The following ERBB4 variants were observed in gnomAD, a reference collection of about 807,000 sequenced individuals.
ERBB4 encodes erb-b2 receptor tyrosine kinase 4, also known as receptor tyrosine-protein kinase erbB-4.
In ERBB4, 42 loss-of-function variants were observed where a neutral mutation model predicts 158.0. That is an observed-to-expected ratio of 0.27 (90% CI 0.21 to 0.34). ERBB4 has a LOEUF of 0.34. Among genes scored for constraint, ERBB4 ranks in the 10% least tolerant of loss-of-function variants. The pLI is 1.00. For synonymous variants in ERBB4, 583 were observed against 558.7 expected, an observed-to-expected ratio of 1.04 and a Z score of -0.61; for missense variants, 1,333 against 1,624.1, an observed-to-expected ratio of 0.82 and a Z score of 3.08.
At chr2:211,799,937 T>A (rs1420701521) in intron 3 of ERBB4, among the ~76,000 whole-genome samples, 5 of 152,214 alleles carry the variant, frequency 3.3e-5, no homozygotes. Flanking sequence ...CATGGGTTTG[T>A]GCATTTGCTC....
At chr2:211,390,844 A>C (rs187333053) in intron 25 of ERBB4, among the ~76,000 whole-genome samples, 1 of 152,280 alleles carries the variant, frequency 6.6e-6, no homozygotes. Context: ...AAATGGAAAA[A>C]ATGCTAAGCA....
intron 1 of ERBB4, among the ~76,000 whole-genome samples, chr2:212,505,632 C>A (rs953026615): frequency 6.7e-6 from 1 of 148,934 alleles, no homozygotes; most frequent in African/African-American, 2.4e-5. Flanking sequence ...GAAACCTTGA[C>A]GGATGATATA....
At chr2:211,806,925 A>C (rs1334851962) in intron 3 of ERBB4, among the ~76,000 whole-genome samples, 13 of 152,108 alleles carry the variant, frequency 8.5e-5, no homozygotes, top group African/African-American at 3.1e-4. Flanking sequence ...ATATCTTTTA[A>C]AGATACTTTT....
At chr2:211,878,971 C>A (rs939306334) in intron 3 of ERBB4, among the ~76,000 whole-genome samples, 2 of 152,202 alleles carry the variant, frequency 1.3e-5, no homozygotes, top group East Asian at 3.9e-4. Flanking sequence ...CTCCTAGGTG[C>A]TTTTACATGT....
intron 25 of ERBB4, among the ~76,000 whole-genome samples, chr2:211,391,496 G>T (rs974015992): frequency 1.3e-5 from 2 of 152,134 alleles, no homozygotes; most frequent in African/African-American, 4.8e-5. Flanking sequence ...AGAAAGAGGC[G>T]GGTTAGGAAC....
intron 1 of ERBB4, among the ~76,000 whole-genome samples, chr2:212,527,947 T>C (rs1273095400): frequency 1.4e-5 from 2 of 145,866 alleles, no homozygotes; most frequent in Non-Finnish European, 3.0e-5. Context: ...AGTGAGAACA[T>C]GTGGTGTTTG....
chr2:211,775,264 G>C lies in ERBB4; in HGVS notation c.556+12761C>G, dbSNP rs112368990. ...TGAGTGTGGTCTTTCAGCTGTTCTT[G>C]AGTAGCTCGTCTGGTTTTGGGGGAC... On this transcript the variant is annotated intron_variant, in intron 4 of 27. Transcript: ENST00000342788. Among the ~76,000 whole-genome samples the C allele has an allele frequency of 4.0e-3, 603 of 152,256 alleles. 4 individuals are homozygous for C. The highest frequency in any genetic ancestry group is 5.0e-3 in the Non-Finnish European group (338 of 68,012).
chr2:212,358,711 A>T (rs1226470582), intron 1 of ERBB4, among the ~76,000 whole-genome samples: 1 of 151,774 alleles, frequency 6.6e-6, no homozygotes, highest in Admixed American at 6.6e-5. Flanking sequence ...CTAACATCAC[A>T]AAGGCTAAAT....
intron 19 of ERBB4, among the ~76,000 whole-genome samples, chr2:211,568,387 ATTTTTGTACAATAATAAGT>A (rs973474651): frequency 6.6e-6 from 1 of 152,146 alleles, no homozygotes; most frequent in Non-Finnish European, 1.5e-5. Context: ...AAGGGAAGAC[ATTTTTGTACAATAATAAGT>A]GAGCAATACC....
intron 1 of ERBB4, among the ~76,000 whole-genome samples, chr2:212,133,916 T>C (rs866186343): frequency 6.6e-6 from 1 of 152,330 alleles, no homozygotes; most frequent in Middle Eastern, 3.4e-3. Flanking sequence ...TTCATCACTT[T>C]GAGTCTTGGT....
At chr2:212,191,821 A>G (rs972351534) in intron 1 of ERBB4, among the ~76,000 whole-genome samples, 2 of 135,748 alleles carry the variant, frequency 1.5e-5, no homozygotes, top group African/African-American at 5.3e-5. Context: ...CATGTTATAT[A>G]TGTTCTATGT....
intron 3 of ERBB4, among the ~76,000 whole-genome samples, chr2:211,862,809 A>C (rs2078096636): frequency 6.6e-6 from 1 of 152,232 alleles, no homozygotes; most frequent in South Asian, 2.1e-4. Context: ...CTGAAGAAAA[A>C]TAGTGAGAGG....
chr2:211,636,355 T>C (rs1253419294), intron 16 of ERBB4, among the ~76,000 whole-genome samples: 3 of 151,978 alleles, frequency 2.0e-5, no homozygotes, highest in Non-Finnish European at 4.4e-5. Context: ...TTCTAACCAA[T>C]TGTGAGTTTA....
intron 3 of ERBB4, among the ~76,000 whole-genome samples, chr2:211,896,942 T>C (rs1364588452): frequency 1.3e-5 from 2 of 151,894 alleles, no homozygotes; most frequent in East Asian, 1.9e-4. Flanking sequence ...CTCGGTCAAA[T>C]CTCTTAATCT....
At chr2:212,057,710 C>T (rs369526212) in intron 2 of ERBB4, among the ~76,000 whole-genome samples, 2 of 152,092 alleles carry the variant, frequency 1.3e-5, no homozygotes, top group Admixed American at 6.6e-5. Flanking sequence ...AAGGCAGAAA[C>T]AAAGATGTTC....
At chr2:212,483,104 A>C (rs1003849153) in intron 1 of ERBB4, among the ~76,000 whole-genome samples, 1 of 152,226 alleles carries the variant, frequency 6.6e-6, no homozygotes. Flanking sequence ...AGCTTAAAAC[A>C]AAAAGACAGG....
chr2:212,483,858 T>C (rs916073065), intron 1 of ERBB4, among the ~76,000 whole-genome samples: 1 of 152,170 alleles, frequency 6.6e-6, no homozygotes, highest in Admixed American at 6.5e-5. Flanking sequence ...TGCCTCAGCC[T>C]CCCGAGTAGC....
chr2:211,955,235 T>C (rs1347189930), intron 2 of ERBB4, among the ~76,000 whole-genome samples: 1 of 152,048 alleles, frequency 6.6e-6, no homozygotes, highest in Non-Finnish European at 1.5e-5. Flanking sequence ...AGTTCTACTT[T>C]CTAAGAATCT....
chr2:212,069,673 G>A (rs1011766760), intron 2 of ERBB4, among the ~76,000 whole-genome samples: 4 of 151,838 alleles, frequency 2.6e-5, no homozygotes, highest in East Asian at 1.9e-4. Context: ...AACATTTTAC[G>A]AAATACACAA....
Sources: gnomAD v4.1 joint callset for allele counts (sites outside exome capture counted in the v4.1 genomes callset) on GRCh38, gnomAD v4.1.1 for gene constraint, MANE v1.5 for transcripts, NCBI Gene and HGNC (gene_info 2026-07-23, HGNC 2026-07-21) for gene names.